The following DNAI4 variants were observed in gnomAD, a reference collection of about 807,000 sequenced individuals.
The protein encoded by DNAI4 is WD repeat domain 78.
A neutral mutation model predicts 105.8 loss-of-function variants in DNAI4; 85 were observed. The ratio of observed to expected loss-of-function variants is 0.80; its 90% confidence interval spans 0.67 to 0.96. The LOEUF (loss-of-function observed/expected upper bound fraction) is 0.96, where lower values mean the gene tolerates loss of function less well. Ranked by LOEUF, DNAI4 falls within the 40% of genes least tolerant of loss-of-function variation. DNAI4 has a pLI of 0.00. For missense variants in DNAI4, 1,014 were observed against 1,005.6 expected, an observed-to-expected ratio of 1.01 and a Z score of -0.11; for synonymous variants, 352 against 331.5, an observed-to-expected ratio of 1.06 and a Z score of -0.67.
At chr1:66,881,141 A>C (rs543735357) in intron 4 of DNAI4, among the ~76,000 whole-genome samples, 2 of 152,330 alleles carry the variant, frequency 1.3e-5, no homozygotes, top group Non-Finnish European at 2.9e-5. Flanking sequence ...CCCAGCCAGA[A>C]GTTTGCTGCA....
rs181825700 is a variant in DNAI4 at position 66,903,651 on chromosome 1, G to A, written c.345+1550C>T. ...TGGGATTACAGGCACCTGCCACGAC[G>A]GCTGGCTAGTTTTTTTGTATTTTTA... On this transcript the variant is annotated intron_variant, in intron 2 of 16. Transcript: ENST00000371026. 1.8e-3 allele frequency among the ~76,000 whole-genome samples: 276 copies of A among 152,166 alleles called. 2 individuals carry two copies. The highest frequency in any genetic ancestry group is 2.0e-3 in the Non-Finnish European group (135 of 67,994).
At chr1:66,845,244 A>G (rs1371158370) in intron 8 of DNAI4, among the ~76,000 whole-genome samples, 2 of 150,270 alleles carry the variant, frequency 1.3e-5, no homozygotes, top group East Asian at 1.9e-4. Context: ...AGGCAACTCA[A>G]TTTTAAAATT....
At chr1:66,831,007 A>T (rs1325071834) in intron 13 of DNAI4, among the ~76,000 whole-genome samples, 1 of 148,618 alleles carries the variant, frequency 6.7e-6, no homozygotes, top group East Asian at 1.9e-4. Flanking sequence ...TAGAGGTGAG[A>T]TTACTATATA....
rs1201546979 is a variant in DNAI4 at position 66,833,620 on chromosome 1, G to A, written c.1978C>T (p.Gln660Ter). Residue 660 changes from glutamine (Q) to a stop codon, truncating the protein, a stop_gained, in exon 13 of 17, where the codon CAG (glutamine) becomes TAG (stop). Coordinates refer to ENST00000371026, the MANE Select transcript of DNAI4 (RefSeq NM_024763.5). LOFTEE classifies it high-confidence loss of function. ...AAAGCAAAACACATTCCAGGAGCCT[G>A]TCGAGATATCAAAGCTTCATCTTTC... The part of the protein sequence containing the change: ...EKKDEALISR[Q>*]APGMCFAFHP... 6.2e-7 allele frequency: 1 copy of A among 1,613,416 alleles called. No individual in the cohort carries two copies.
intron 16 of DNAI4, among the ~76,000 whole-genome samples, chr1:66,820,175 C>T (rs896108489): frequency 1.3e-4 from 20 of 151,762 alleles, no homozygotes; most frequent in Admixed American, 1.1e-3. Context: ...TGTTTAATAT[C>T]ATGAAAAAGC....
At chr1:66,818,235 T>C (rs1038091465) in intron 16 of DNAI4, among the ~76,000 whole-genome samples, 1 of 152,024 alleles carries the variant, frequency 6.6e-6, no homozygotes, top group Admixed American at 6.6e-5. Context: ...TCTTACTAAT[T>C]TGTAAACAGC....
At chr1:66,921,279 T>G (rs1048384829) in intron 1 of DNAI4, 1 of 152,178 alleles carries the variant, frequency 6.6e-6, no homozygotes, top group African/African-American at 2.4e-5. Context: ...GTTATTTTTA[T>G]TGCAATGGGA....
At position 66,874,683 on chromosome 1, in the gene DNAI4, C is replaced by T. The variant is rs1323748819; in HGVS notation, c.800+98G>A. On this transcript the variant is annotated intron_variant, in intron 5 of 16. Transcript: ENST00000371026. ...TCCCCCCAAACCCCATAGTGTATAC[C>T]CCAGAACCCCCAAGGACCCTTCACA... is the stretch of plus-strand genomic sequence containing the variant. The T allele has an allele frequency of 2.3e-6, 3 of 1,301,652 alleles. No homozygotes were observed. In the South Asian group the frequency reaches 4.5e-5, roughly 20 times the overall value. The allele number at this position is 1,301,652 out of a possible 1,614,324, so 80.6% of individuals were successfully genotyped here.
chr1:66,893,563 A>G (rs2100781133), intron 2 of DNAI4, 150 bp from the exon 3 acceptor site: 1 of 475,804 alleles, frequency 2.1e-6, no homozygotes, highest in Admixed American at 4.4e-5. Context: ...ATGCTTTAAA[A>G]TGTCATGCTT....
chr1:66,863,327 A>C lies in DNAI4; in HGVS notation c.941-1025T>G, dbSNP rs537926484. ...TTTTTTCCTTAAAAATCAAAACAGA[A>C]TGTGGATCTAATAAATGCAGCCTCT... On this transcript the variant is annotated intron_variant, in intron 6 of 16. Transcript: ENST00000371026. 2.6e-5 allele frequency among the ~76,000 whole-genome samples: 4 copies of C among 152,346 alleles called. No individual in the cohort carries two copies. In the East Asian group the frequency reaches 7.7e-4, roughly 29 times the overall value.
intron 14 of DNAI4, 44 bp downstream of exon 14, chr1:66,827,768 A>C (rs769810251): frequency 8.3e-7 from 1 of 1,200,490 alleles, no homozygotes; most frequent in Non-Finnish European, 1.2e-6. Flanking sequence ...CTGTTTTTTC[A>C]GAAATACAAA....
At chr1:66,842,005 G>A (rs748282008) in intron 8 of DNAI4, among the ~76,000 whole-genome samples, 2 of 152,014 alleles carry the variant, frequency 1.3e-5, no homozygotes, top group African/African-American at 2.4e-5. Flanking sequence ...CTGGTCCCTC[G>A]TCCCTGGAAA....
chr1:66,820,809 T>A (rs1645609015), intron 16 of DNAI4, among the ~76,000 whole-genome samples: 1 of 146,690 alleles, frequency 6.8e-6, no homozygotes. Context: ...CATTTTATTA[T>A]TTTATTTATT....
At chr1:66,914,649 C>A (rs1026303924) in intron 1 of DNAI4, among the ~76,000 whole-genome samples, 1 of 151,736 alleles carries the variant, frequency 6.6e-6, no homozygotes, top group African/African-American at 2.4e-5. Context: ...GGCTATTTAG[C>A]TGACAACTGC....
intron 7 of DNAI4, among the ~76,000 whole-genome samples, chr1:66,857,696 G>A (rs112936019): frequency 4.6e-5 from 7 of 152,010 alleles, no homozygotes; most frequent in African/African-American, 1.7e-4. Flanking sequence ...CACAACGCCC[G>A]GCTGATTTTG....
chr1:66,843,792 G>A (rs1162754727), intron 8 of DNAI4, among the ~76,000 whole-genome samples: 3 of 151,900 alleles, frequency 2.0e-5, no homozygotes, highest in Non-Finnish European at 4.4e-5. Context: ...TTCTTCTTTT[G>A]TCAAAGATCA....
intron 7 of DNAI4, among the ~76,000 whole-genome samples, chr1:66,858,030 CA>C (rs1345991355): frequency 1.3e-5 from 2 of 152,142 alleles, no homozygotes; most frequent in East Asian, 3.9e-4. Context: ...AATAACCTTC[CA>C]AAATAGAAAG....
At chr1:66,847,427 G>T (rs1646299518) in intron 8 of DNAI4, 57 bp downstream of exon 8, 1 of 1,513,038 alleles carries the variant, frequency 6.6e-7, no homozygotes, top group African/African-American at 1.4e-5. Context: ...CAAAGTACTG[G>T]GATTATAAGC....
intron 6 of DNAI4, among the ~76,000 whole-genome samples, chr1:66,862,888 CCTTTA>C (rs773750615): frequency 1.3e-5 from 2 of 152,142 alleles, no homozygotes; most frequent in Non-Finnish European, 2.9e-5. Flanking sequence ...CTTTTATGTT[CCTTTA>C]CTTATGATTA....
Sources: allele counts gnomAD v4.1 joint callset (sites outside exome capture counted in the v4.1 genomes callset), GRCh38; gene constraint gnomAD v4.1.1; transcripts MANE v1.5; gene names NCBI Gene and HGNC (gene_info 2026-07-23, HGNC 2026-07-21).